Variants in PPM1E observed in about 807,000 individuals in gnomAD.
The protein encoded by PPM1E is protein phosphatase, Mg2+/Mn2+ dependent 1E, also known as protein phosphatase 1E.
PPM1E carries 20 observed loss-of-function variants against 65.9 expected under a neutral mutation model. That is an observed-to-expected ratio of 0.30 (90% CI 0.21 to 0.44). The LOEUF (loss-of-function observed/expected upper bound fraction) is 0.44, where lower values mean the gene tolerates loss of function less well. Ranked by LOEUF, PPM1E falls within the 20% of genes least tolerant of loss-of-function variation. The pLI is 1.00. For synonymous variants in PPM1E, 352 were observed against 374.9 expected, an observed-to-expected ratio of 0.94 and a Z score of 0.70; for missense variants, 713 against 953.1, an observed-to-expected ratio of 0.75 and a Z score of 3.32.
At chr17:58,898,778 G>C (rs1041689024) in intron 1 of PPM1E, among the ~76,000 whole-genome samples, 1 of 152,162 alleles carries the variant, frequency 6.6e-6, no homozygotes, top group African/African-American at 2.4e-5. Flanking sequence ...ATCAATGATA[G>C]ACTGGATTAA....
chr17:58,945,801 AAG>A (rs765387215), intron 1 of PPM1E, among the ~76,000 whole-genome samples: 8 of 152,200 alleles, frequency 5.3e-5, no homozygotes, highest in Admixed American at 1.3e-4. Context: ...CAGCCAGATA[AAG>A]AGAGATATAC....
intron 1 of PPM1E, among the ~76,000 whole-genome samples, chr17:58,909,289 A>G (rs1236410990): frequency 1.3e-5 from 2 of 151,908 alleles, no homozygotes; most frequent in East Asian, 3.9e-4. Context: ...ACAGGTTCTC[A>G]CTCCATCACT....
At chr17:58,793,737 A>T (rs931855970) in intron 1 of PPM1E, among the ~76,000 whole-genome samples, 2 of 152,170 alleles carry the variant, frequency 1.3e-5, no homozygotes, top group African/African-American at 4.8e-5. Context: ...ATTAAATACA[A>T]TATTACTTGT....
chr17:58,934,595 C>T (rs1274748978), intron 1 of PPM1E, among the ~76,000 whole-genome samples: 2 of 152,146 alleles, frequency 1.3e-5, no homozygotes, highest in African/African-American at 4.8e-5. Flanking sequence ...CATCTGCAGT[C>T]TAGTGGAGGA....
chr17:58,843,572 CCTAGCA>C (rs2050742094), intron 1 of PPM1E, among the ~76,000 whole-genome samples: 2 of 152,002 alleles, frequency 1.3e-5, no homozygotes, highest in South Asian at 4.2e-4. Flanking sequence ...CACCTGTAAT[CCTAGCA>C]CTTTGGGAGG....
At chr17:58,793,266 T>G (rs1412963935) in intron 1 of PPM1E, among the ~76,000 whole-genome samples, 3 of 152,084 alleles carry the variant, frequency 2.0e-5, no homozygotes, top group Non-Finnish European at 2.9e-5. Context: ...ATATGTAATA[T>G]ATGCACACAA....
chr17:58,813,915 G>C (rs1272931668), intron 1 of PPM1E, among the ~76,000 whole-genome samples: 3 of 152,142 alleles, frequency 2.0e-5, no homozygotes, highest in Non-Finnish European at 4.4e-5. Context: ...CCAACTCAGT[G>C]GGTGTTTGTT....
chr17:58,815,757 T>C (rs1304081159), intron 1 of PPM1E, among the ~76,000 whole-genome samples: 1 of 152,210 alleles, frequency 6.6e-6, no homozygotes, highest in Non-Finnish European at 1.5e-5. Context: ...ATGCTAATCA[T>C]TATTGTGAGA....
At chr17:58,933,461 T>C (rs1022871608) in intron 1 of PPM1E, among the ~76,000 whole-genome samples, 2 of 152,188 alleles carry the variant, frequency 1.3e-5, no homozygotes, top group African/African-American at 4.8e-5. Context: ...ATATTTAATA[T>C]TGATAAATTA....
chr17:58,803,248 C>A (rs2050275323), intron 1 of PPM1E, among the ~76,000 whole-genome samples: 1 of 152,032 alleles, frequency 6.6e-6, no homozygotes, highest in South Asian at 2.1e-4. Flanking sequence ...AAGGTACATT[C>A]CTTCAATACC....
chr17:58,792,056 T>C (rs1340325321), intron 1 of PPM1E, among the ~76,000 whole-genome samples: 1 of 152,026 alleles, frequency 6.6e-6, no homozygotes, highest in Non-Finnish European at 1.5e-5. Flanking sequence ...TCTCCCATTT[T>C]CTAGGGTATT....
chr17:58,908,456 T>A (rs915301898), intron 1 of PPM1E, among the ~76,000 whole-genome samples: 2 of 151,966 alleles, frequency 1.3e-5, no homozygotes, highest in African/African-American at 4.8e-5. Flanking sequence ...TTTTTTTTTT[T>A]AAGGCGGGGT....
intron 1 of PPM1E, among the ~76,000 whole-genome samples, chr17:58,877,072 C>A (rs554625748): frequency 2.0e-5 from 3 of 152,182 alleles, no homozygotes; most frequent in South Asian, 4.1e-4. Context: ...CGTGAGCCAC[C>A]GCGCCTGGCC....
intron 1 of PPM1E, among the ~76,000 whole-genome samples, chr17:58,780,866 CA>C (rs1442160899): frequency 6.6e-6 from 1 of 152,040 alleles, no homozygotes; most frequent in East Asian, 1.9e-4. Flanking sequence ...TTTTTATGTT[CA>C]TTGGGAATTT....
At chr17:58,949,341 G>A (rs112128642) in intron 1 of PPM1E, among the ~76,000 whole-genome samples, 8 of 152,048 alleles carry the variant, frequency 5.3e-5, no homozygotes, top group East Asian at 3.9e-4. Context: ...TTCCATTTGC[G>A]TGGAATATCT....
chr17:58,756,118 C>T lies in PPM1E; in HGVS notation c.121C>T (p.Pro41Ser). The T allele has an allele frequency of 6.2e-7, 1 of 1,608,362 alleles. No individual in the cohort carries two copies. Among genetic ancestry groups the T allele is most frequent in the Non-Finnish European group, 8.5e-7 (1 of 1,177,254 alleles). The change falls in exon 1 of 7, where the codon CCC (proline) becomes TCC (serine). Residue 41 changes from proline to serine, a missense_variant. Pro to Ser is a moderately conservative substitution (Grantham distance 74). Around this residue, in one of 6 missense-constraint regions of PPM1E, gnomAD observed 212 missense variants for 204.0 expected, o/e 1.04. Coordinates refer to ENST00000308249, the MANE Select transcript of PPM1E (RefSeq NM_014906.5). Reference sequence around the variant, plus strand: ...GCCGGAACCCGAACCCGAACCCGAACCCGAACCCGAGTCCGAGCCCGAGCC... The same window carrying T: ...GCCGGAACCCGAACCCGAACCCGAATCCGAACCCGAGTCCGAGCCCGAGCC... ...PEPEPEPEPEPEPESEPEPEP... is the reference protein window; with the variant it reads ...PEPEPEPEPESEPESEPEPEP...
chr17:58,941,974 C>T (rs938522334), intron 1 of PPM1E, among the ~76,000 whole-genome samples: 6 of 148,358 alleles, frequency 4.0e-5, no homozygotes, highest in East Asian at 2.0e-4. Flanking sequence ...CATTGCACTC[C>T]AGCCTGGGGG....
At chr17:58,845,755 A>G (rs903105752) in intron 1 of PPM1E, among the ~76,000 whole-genome samples, 1 of 152,136 alleles carries the variant, frequency 6.6e-6, no homozygotes, top group African/African-American at 2.4e-5. Context: ...ATCTTGGCTC[A>G]CTGCAACCTC....
At chr17:58,816,794 ATTT>A (rs71367634) in intron 1 of PPM1E, among the ~76,000 whole-genome samples, 123 of 16,600 alleles carry the variant, frequency 7.4e-3, no homozygotes, top group East Asian at 0.016. Context: ...ATATATATAT[ATTT>A]TTTTTTTTTT....
Sources: gnomAD v4.1 joint callset for allele counts (sites outside exome capture counted in the v4.1 genomes callset) on GRCh38, gnomAD v4.1.1 for gene constraint, gnomAD v4.1.1 regional missense constraint, MANE v1.5 for transcripts, NCBI Gene and HGNC (gene_info 2026-07-23, HGNC 2026-07-21) for gene names.